SGCE: variants seen among roughly 807,000 people sequenced by gnomAD.
SGCE encodes the protein sarcoglycan epsilon.
Under a neutral mutation model 57.8 loss-of-function variants are expected in SGCE, and 26 were observed. The observed-to-expected ratio is 0.45, with a 90% CI of 0.33 to 0.62. The LOEUF (loss-of-function observed/expected upper bound fraction) is 0.62. SGCE is among the 20% of genes least tolerant of loss of function. SGCE has a pLI of 0.02. For missense variants in SGCE, 468 were observed against 548.6 expected (o/e 0.85, Z 1.47); for synonymous variants, 183 against 189.5 (o/e 0.97, Z 0.28).
At chr7:94,649,201 C>T (rs1021324198) in intron 1 of SGCE, among the ~76,000 whole-genome samples, 1 of 152,166 alleles carries the variant, frequency 6.6e-6, no homozygotes, top group African/African-American at 2.4e-5. Flanking sequence ...ATCAAATGCA[C>T]TTAAACTGCT....
At chr7:94,613,847 CA>C (rs1425133265) in intron 5 of SGCE, among the ~76,000 whole-genome samples, 10 of 152,070 alleles carry the variant, frequency 6.6e-5, no homozygotes, top group African/African-American at 2.4e-4. Context: ...CACTCAAAAG[CA>C]GCAGCACAAA....
At chr7:94,621,407 G>C (rs1004402782) in intron 4 of SGCE, 2 of 152,202 alleles carry the variant, frequency 1.3e-5, no homozygotes, top group African/African-American at 4.8e-5. Context: ...CCGTTATTTA[G>C]ACAAAGAGCC....
At chr7:94,652,161 T>C (rs1195896373) in intron 1 of SGCE, among the ~76,000 whole-genome samples, 1 of 152,142 alleles carries the variant, frequency 6.6e-6, no homozygotes, top group Non-Finnish European at 1.5e-5. Context: ...TGTGAAGCTA[T>C]GGACTAAGCG....
chr7:94,590,383 G>A (rs1797514668), intron 9 of SGCE: 1 of 152,000 alleles, frequency 6.6e-6, no homozygotes, highest in African/African-American at 2.4e-5. Context: ...GATTGTCATT[G>A]TATTCTCTGT....
chr7:94,599,746 GAATT>G, intron 7 of SGCE, 23 bp from the exon 8 acceptor site: 1 of 1,491,928 alleles, frequency 6.7e-7, no homozygotes. Context: ...CAAAATTTAT[GAATT>G]AAATAATAGC....
chr7:94,644,566 G>T, intron 1 of SGCE: 2 of 953,550 alleles, frequency 2.1e-6, no homozygotes, highest in Non-Finnish European at 2.9e-6. Context: ...GTAAACAGCC[G>T]GATATGCCAA....
intron 9 of SGCE, among the ~76,000 whole-genome samples, chr7:94,592,006 A>G (rs1205812121): frequency 6.6e-6 from 1 of 152,162 alleles, no homozygotes; most frequent in Non-Finnish European, 1.5e-5. Flanking sequence ...TGTGTGCGCA[A>G]AAAGGTGCTC....
chr7:94,628,101 TA>T, intron 3 of SGCE, 100 bp downstream of exon 3: 1 of 845,828 alleles, frequency 1.2e-6, no homozygotes, highest in Non-Finnish European at 1.9e-6. Context: ...CACCATCAGG[TA>T]ACTTTAGTTT....
At chr7:94,638,916 T>A (rs1805986678) in intron 1 of SGCE, among the ~76,000 whole-genome samples, 1 of 152,142 alleles carries the variant, frequency 6.6e-6, no homozygotes, top group African/African-American at 2.4e-5. Flanking sequence ...ACAAGAATCA[T>A]CCAAAATTAA....
At chr7:94,587,243 T>TA (rs1280914599) in intron 10 of SGCE, 1 of 985,898 alleles carries the variant, frequency 1.0e-6, no homozygotes, top group African/African-American at 1.7e-5. Flanking sequence ...GAGTACTTGC[T>TA]AAAAAATCTA....
In SGCE at chr7:94,599,667, G is replaced by A. The variant is rs995961361; in HGVS notation, c.1064+30C>T. ...CAACTGAGAGGTGGGAAAAAATGAT[G>A]AAGAAAATAACAGGAAAGAAGACAC... On this transcript the variant is annotated intron_variant, in intron 8 of 10. Coordinates refer to ENST00000648936, the MANE Select transcript of SGCE (RefSeq NM_003919.3). 9 of 1,601,282 alleles carry A rather than the reference G, an allele frequency of 5.6e-6. No individual in the cohort carries two copies. The East Asian group carries it at 8.9e-5, about 16-fold the overall frequency.
chr7:94,635,769 T>A (rs770242293), intron 1 of SGCE, among the ~76,000 whole-genome samples: 8 of 152,220 alleles, frequency 5.3e-5, no homozygotes, highest in Non-Finnish European at 1.0e-4. Context: ...CCTGTTTTTG[T>A]TTTTGTTTTT....
At chr7:94,644,637 C>T (rs1303414011) in intron 1 of SGCE, 4 of 1,286,874 alleles carry the variant, frequency 3.1e-6, no homozygotes, top group Non-Finnish European at 4.1e-6. Flanking sequence ...CTTTCTCTGT[C>T]CACTACTTCA....
At chr7:94,585,628 G>A in intron 10 of SGCE, 113 bp from the exon 11 acceptor site, 2 of 738,816 alleles carry the variant, frequency 2.7e-6, no homozygotes, top group Middle Eastern at 2.4e-4. Flanking sequence ...TTAATACAAT[G>A]TAAAATAATT....
At chr7:94,595,508 C>T (rs1798258468) in intron 9 of SGCE, among the ~76,000 whole-genome samples, 1 of 151,970 alleles carries the variant, frequency 6.6e-6, no homozygotes, top group Admixed American at 6.6e-5. Context: ...AATGCATGCC[C>T]TTATAGGAAG....
intron 5 of SGCE, among the ~76,000 whole-genome samples, chr7:94,608,000 A>C (rs1254630970): frequency 5.3e-5 from 8 of 152,310 alleles, no homozygotes; most frequent in Admixed American, 5.2e-4. Flanking sequence ...GATTAATATA[A>C]TAAAGTCCAT....
At chr7:94,638,946 A>T (rs996838239) in intron 1 of SGCE, among the ~76,000 whole-genome samples, 3 of 152,216 alleles carry the variant, frequency 2.0e-5, no homozygotes, top group Non-Finnish European at 2.9e-5. Flanking sequence ...GAGTTTTTCC[A>T]AGGTTACATA....
intron 1 of SGCE, among the ~76,000 whole-genome samples, chr7:94,647,058 A>C (rs905893900): frequency 6.6e-6 from 1 of 152,010 alleles, no homozygotes; most frequent in Admixed American, 6.5e-5. Flanking sequence ...ATATGATCAC[A>C]TTTTTTCACT....
chr7:94,586,158 C>A (rs995923633), intron 10 of SGCE, among the ~76,000 whole-genome samples: 2 of 148,926 alleles, frequency 1.3e-5, no homozygotes, highest in Non-Finnish European at 3.0e-5. Flanking sequence ...TACTTGGTAT[C>A]CAAGACGCAA....
Sources: allele counts gnomAD v4.1 joint callset (sites outside exome capture counted in the v4.1 genomes callset), GRCh38; gene constraint gnomAD v4.1.1; transcripts MANE v1.5; gene names NCBI Gene and HGNC (gene_info 2026-07-23, HGNC 2026-07-21).